Variants in ADAM22 observed in about 807,000 individuals in gnomAD.
ADAM22 encodes ADAM metallopeptidase domain 22, also known as disintegrin and metalloproteinase domain-containing protein 22.
Under a neutral mutation model 144.6 loss-of-function variants are expected in ADAM22, and 65 were observed. That is an observed-to-expected ratio of 0.45 (90% confidence interval 0.37 to 0.55). The LOEUF (loss-of-function observed/expected upper bound fraction) is 0.55. ADAM22 is among the 20% of genes least tolerant of loss of function. The pLI is 0.00. For synonymous variants in ADAM22, 391 were observed against 412.6 expected (o/e 0.95, Z 0.63); for missense variants, 974 against 1,184.9 (o/e 0.82, Z 2.61).
At chr7:88,092,661 G>A (rs1251644484) in intron 4 of ADAM22, among the ~76,000 whole-genome samples, 3 of 152,192 alleles carry the variant, frequency 2.0e-5, no homozygotes, top group East Asian at 3.8e-4. Context: ...AATTTGGGGG[G>A]ATTAAGTAAA....
At chr7:88,184,097 C>G (rs887462220) in intron 29 of ADAM22, among the ~76,000 whole-genome samples, 1 of 151,760 alleles carries the variant, frequency 6.6e-6, no homozygotes, top group Non-Finnish European at 1.5e-5. Context: ...CCTCATTATT[C>G]CAAAAGATGA....
intron 3 of ADAM22, among the ~76,000 whole-genome samples, chr7:88,040,705 T>G (rs1465270683): frequency 4.6e-5 from 7 of 152,058 alleles, no homozygotes; most frequent in Non-Finnish European, 8.8e-5. Context: ...CAGGATTTTG[T>G]TTTCAGATGA....
At chr7:87,987,426 G>C (rs892294183) in intron 3 of ADAM22, among the ~76,000 whole-genome samples, 1 of 152,082 alleles carries the variant, frequency 6.6e-6, no homozygotes, top group African/African-American at 2.4e-5. Flanking sequence ...TAATCTGCCT[G>C]CCTCTGCCTC....
At chr7:88,039,656 A>G (rs1291931030) in intron 3 of ADAM22, among the ~76,000 whole-genome samples, 4 of 150,272 alleles carry the variant, frequency 2.7e-5, no homozygotes, top group Admixed American at 6.7e-5. Context: ...TGTGTTTAGT[A>G]TGACCAGTGG....
chr7:88,047,948 A>G (rs1805116522), intron 3 of ADAM22, among the ~76,000 whole-genome samples: 1 of 152,256 alleles, frequency 6.6e-6, no homozygotes, highest in South Asian at 2.1e-4. Flanking sequence ...AGATGAAAAT[A>G]TAAAATTAGC....
intron 4 of ADAM22, among the ~76,000 whole-genome samples, chr7:88,090,551 C>CTCT: frequency 6.6e-6 from 1 of 152,160 alleles, no homozygotes; most frequent in South Asian, 2.1e-4. Context: ...AATACATCTT[C>CTCT]ATACATGAAT....
At chr7:88,171,052 A>G (rs537505748) in intron 25 of ADAM22, among the ~76,000 whole-genome samples, 65 of 152,080 alleles carry the variant, frequency 4.3e-4, no homozygotes, top group Non-Finnish European at 8.7e-4. Flanking sequence ...ATACCTGATG[A>G]AATAAAATGT....
intron 22 of ADAM22, among the ~76,000 whole-genome samples, chr7:88,156,956 A>C (rs553441807): frequency 2.4e-4 from 37 of 152,244 alleles, no homozygotes; most frequent in African/African-American, 7.2e-4. Context: ...GGGGAAAAAA[A>C]CAAAACCACT....
At chr7:88,089,876 T>G (rs1468820676) in intron 4 of ADAM22, 1 of 152,170 alleles carries the variant, frequency 6.6e-6, no homozygotes, top group Admixed American at 6.6e-5. Context: ...TGATGTGCAT[T>G]TTAAGGGCCG....
chr7:88,172,627 G>T (rs1371840456), intron 26 of ADAM22, among the ~76,000 whole-genome samples: 1 of 151,740 alleles, frequency 6.6e-6, no homozygotes, highest in Non-Finnish European at 1.5e-5. Flanking sequence ...TTAACCATAG[G>T]TATCTGTAGA....
intron 4 of ADAM22, among the ~76,000 whole-genome samples, chr7:88,086,001 C>A (rs1201333911): frequency 2.0e-5 from 3 of 151,984 alleles, no homozygotes; most frequent in East Asian, 3.9e-4. Flanking sequence ...ACGGTGAAAC[C>A]CCGTCTCTAC....
At chr7:88,192,071 A>C (rs923871299) in intron 30 of ADAM22, among the ~76,000 whole-genome samples, 1 of 152,186 alleles carries the variant, frequency 6.6e-6, no homozygotes, top group Non-Finnish European at 1.5e-5. Context: ...GTAGATCTTG[A>C]CCTACCTAGT....
At chr7:88,181,766 A>G (rs1464026310) in intron 28 of ADAM22, among the ~76,000 whole-genome samples, 161 bp downstream of exon 28, 5 of 152,166 alleles carry the variant, frequency 3.3e-5, no homozygotes, top group Admixed American at 3.3e-4. Flanking sequence ...TGGATGGGAA[A>G]TGATGGGATT....
intron 2 of ADAM22, among the ~76,000 whole-genome samples, chr7:87,961,771 A>G (rs1049754216): frequency 6.6e-6 from 1 of 152,192 alleles, no homozygotes; most frequent in Admixed American, 6.5e-5. Context: ...ATAGGGCTAA[A>G]TTGCATTAAG....
chr7:88,026,711 T>G (rs1285414195), intron 3 of ADAM22, among the ~76,000 whole-genome samples: 2 of 152,222 alleles, frequency 1.3e-5, no homozygotes, highest in Non-Finnish European at 2.9e-5. Flanking sequence ...TGGTTGCTGT[T>G]TTTAATTTCT....
chr7:88,103,489 A>G (rs1468823675), intron 4 of ADAM22, among the ~76,000 whole-genome samples: 3 of 152,182 alleles, frequency 2.0e-5, no homozygotes, highest in Non-Finnish European at 2.9e-5. Context: ...CATATAAACT[A>G]TCGTCTTCAT....
intron 4 of ADAM22, among the ~76,000 whole-genome samples, chr7:88,106,076 A>G (rs1585764023): frequency 6.6e-6 from 1 of 152,198 alleles, no homozygotes; most frequent in East Asian, 1.9e-4. Context: ...AATAGCTCAC[A>G]TTGTTAACAT....
At chr7:87,940,820 G>A (rs1842327311) in intron 2 of ADAM22, among the ~76,000 whole-genome samples, 1 of 152,098 alleles carries the variant, frequency 6.6e-6, no homozygotes, top group Non-Finnish European at 1.5e-5. Context: ...GAAATTATTT[G>A]TGCTGAAAGA....
chr7:88,143,015 C>T lies in ADAM22; in HGVS notation c.1221-11C>T. ...GTTGAACCCAGCTATTGCTTTTCTT[C>T]TCTTTTATAGCTATTATCTTCCTAA... is the stretch of plus-strand genomic sequence containing the variant. On this transcript the variant is annotated splice_polypyrimidine_tract_variant and intron_variant, in intron 14 of 31. Coordinates refer to ENST00000413139, the MANE Select transcript of ADAM22 (RefSeq NM_001324418.2). The T allele has an allele frequency of 6.4e-7, 1 of 1,551,236 alleles. No homozygotes were observed. The highest frequency in any genetic ancestry group is 8.9e-7 in the Non-Finnish European group (1 of 1,129,650).
Sources: gnomAD v4.1 joint callset for allele counts (sites outside exome capture counted in the v4.1 genomes callset) on GRCh38, gnomAD v4.1.1 for gene constraint, MANE v1.5 for transcripts, NCBI Gene and HGNC (gene_info 2026-07-23, HGNC 2026-07-21) for gene names.